KAZN: variants seen among roughly 807,000 people sequenced by gnomAD.
The protein encoded by KAZN is kazrin, periplakin interacting protein.
Under a neutral mutation model 87.4 loss-of-function variants are expected in KAZN, and 40 were observed. The observed-to-expected ratio is 0.46, with a 90% CI of 0.36 to 0.60. KAZN has a LOEUF of 0.60. Among genes scored for constraint, KAZN ranks in the 20% least tolerant of loss-of-function variants. KAZN has a pLI of 0.00. For synonymous variants in KAZN, 466 were observed against 458.3 expected, an observed-to-expected ratio of 1.02 and a Z score of -0.22; for missense variants, 898 against 1,073.9, an observed-to-expected ratio of 0.84 and a Z score of 2.29.
intron 1 of KAZN, among the ~76,000 whole-genome samples, chr1:14,839,826 C>A (rs560461717): frequency 1.3e-5 from 2 of 152,280 alleles, no homozygotes; most frequent in South Asian, 4.1e-4. Flanking sequence ...GTCTTAGAGG[C>A]ACCTCAAGGC....
chr1:14,709,157 C>T (rs759498124), intron 1 of KAZN, among the ~76,000 whole-genome samples: 1 of 152,186 alleles, frequency 6.6e-6, no homozygotes, highest in Non-Finnish European at 1.5e-5. Context: ...ATCGGAGGCA[C>T]GAAGCCTTTG....
chr1:14,935,305 A>AT (rs2101604200), intron 1 of KAZN, among the ~76,000 whole-genome samples: 1 of 152,136 alleles, frequency 6.6e-6, no homozygotes, highest in South Asian at 2.1e-4. Context: ...CGGTGGCGCA[A>AT]TCTTGGCTCT....
At chr1:14,801,515 CCT>C (rs1646021165) in intron 1 of KAZN, among the ~76,000 whole-genome samples, 2 of 151,934 alleles carry the variant, frequency 1.3e-5, no homozygotes, top group Admixed American at 1.3e-4. Context: ...CTCCATAAAA[CCT>C]ACACCTCCCC....
chr1:14,236,681 G>A (rs1648451146), intron 2 of KAZN, among the ~76,000 whole-genome samples: 1 of 152,186 alleles, frequency 6.6e-6, no homozygotes, highest in Non-Finnish European at 1.5e-5. Context: ...ACTCTGGGAG[G>A]CAAGGGTGGG....
At position 14,748,811 on chromosome 1, in the gene KAZN, C is replaced by T. The variant is rs552338953; in HGVS notation, c.226+149588C>T. Among the ~76,000 whole-genome samples the T allele has an allele frequency of 6.6e-5, 10 of 152,202 alleles. No individual in the cohort carries two copies. In the South Asian group the frequency reaches 2.1e-3, roughly 32 times the overall value. The stretch of plus-strand genomic sequence containing the variant: ...TCAATAAGCATCAGTCATGTTGTCA[C>T]TACCAAGAGTGCTGATGCCAACTTC... On this transcript the variant is annotated intron_variant, in intron 1 of 14. Coordinates refer to ENST00000376030, the MANE Select transcript of KAZN (RefSeq NM_201628.3).
At position 15,056,405 on chromosome 1, in the gene KAZN, C is replaced by T; in HGVS notation, c.916+125C>T. ...CAGCTTGGGGGCGTGGGACAGAGAC[C>T]TTGGGCTCATGTAACTGAAAAATCT... On this transcript the variant is annotated intron_variant, in intron 5 of 14. Transcript: ENST00000376030. The surrounding 1 kb of genome is among the most constrained non-coding windows in gnomAD (Gnocchi z 5.4). 4.1e-6 allele frequency: 4 copies of T among 970,750 alleles called. No homozygotes were observed. In the Admixed American group the frequency reaches 1.1e-4, roughly 28 times the overall value. 60.1% of individuals were successfully genotyped at this position (970,750 alleles called of 1,614,324 possible).
intron 2 of KAZN, among the ~76,000 whole-genome samples, chr1:14,581,256 C>T (rs1449662024): frequency 4.6e-5 from 7 of 152,180 alleles, no homozygotes; most frequent in African/African-American, 9.7e-5. Flanking sequence ...CTTCCGCATT[C>T]GGGAAATGAA....
chr1:14,341,275 AATG>A lies in KAZN; in HGVS notation c.249+160695_249+160697del, dbSNP rs550617931. ...TAGGCACTCATCTGTAAAATGGGGA[AATG>A]ATGATGATGATCTCAAGTGTGATTT... On this transcript the variant is annotated intron_variant, in intron 2 of 16. Coordinates refer to the KAZN transcript ENST00000636203. Among the ~76,000 whole-genome samples the A allele has an allele frequency of 2.1e-3, 325 of 152,234 alleles. 1 individual carries two copies. Among genetic ancestry groups the A allele is most frequent in the African/African-American group, 7.4e-3 (306 of 41,544 alleles).
intron 1 of KAZN, among the ~76,000 whole-genome samples, chr1:14,141,899 G>C (rs1158627588): frequency 1.3e-5 from 2 of 152,168 alleles, no homozygotes; most frequent in Non-Finnish European, 2.9e-5. Flanking sequence ...GAAATGGCTG[G>C]ATGCTATTCA....
chr1:14,474,609 A>G (rs534827866), intron 2 of KAZN, among the ~76,000 whole-genome samples: 38 of 152,350 alleles, frequency 2.5e-4, no homozygotes, highest in Admixed American at 1.4e-3. Context: ...GCAGTCTTAA[A>G]ACTTTTATTG....
chr1:14,208,245 A>G (rs1446401223), intron 2 of KAZN, among the ~76,000 whole-genome samples: 1 of 152,232 alleles, frequency 6.6e-6, no homozygotes, highest in East Asian at 1.9e-4. Context: ...CATAATGTAC[A>G]GCTATCTGTG....
chr1:14,785,828 T>C (rs1645495351), intron 1 of KAZN, among the ~76,000 whole-genome samples: 1 of 152,224 alleles, frequency 6.6e-6, no homozygotes, highest in Non-Finnish European at 1.5e-5. Flanking sequence ...AGAGCTGTGC[T>C]TCCTCCTGAA....
Position 14,599,325 on chromosome 1 carries a change from G to T in KAZN, c.226+102G>T. The stretch of plus-strand genomic sequence containing the variant: ...GGTCCCCCACACCCGGGGCGAAATC[G>T]CTTTGCATTCTGGCTTGTAACCCTT... On this transcript the variant is annotated intron_variant, in intron 1 of 14. Coordinates refer to ENST00000376030, the MANE Select transcript of KAZN (RefSeq NM_201628.3). This position sits in a 1 kb window ranked among gnomAD's most constrained non-coding sequence, Gnocchi z 4.4. 8.4e-7 allele frequency: 1 copy of T among 1,189,270 alleles called. No homozygotes were observed. The highest frequency in any genetic ancestry group is 1.1e-6 in the Non-Finnish European group (1 of 944,514). 73.7% of individuals were successfully genotyped at this position (1,189,270 alleles called of 1,614,324 possible).
intron 1 of KAZN, among the ~76,000 whole-genome samples, chr1:14,913,698 C>CCCTA (rs1346302462): frequency 6.6e-6 from 1 of 152,252 alleles, no homozygotes; most frequent in African/African-American, 2.4e-5. Flanking sequence ...CCACCAAAGC[C>CCCTA]CCTAACCTGC....
intron 1 of KAZN, among the ~76,000 whole-genome samples, chr1:14,764,755 C>A (rs942832956): frequency 6.6e-6 from 1 of 152,134 alleles, no homozygotes; most frequent in Non-Finnish European, 1.5e-5. Context: ...CTTGCTCTGG[C>A]ACCAGGCTGG....
intron 2 of KAZN, among the ~76,000 whole-genome samples, chr1:14,402,219 T>A (rs1480187097): frequency 1.3e-5 from 2 of 150,408 alleles, no homozygotes; most frequent in African/African-American, 4.9e-5. Flanking sequence ...TTTAAAAAAA[T>A]TTGTAAGTTT....
chr1:14,879,189 G>A (rs1209243450), intron 1 of KAZN, among the ~76,000 whole-genome samples: 1 of 152,128 alleles, frequency 6.6e-6, no homozygotes, highest in South Asian at 2.1e-4. Context: ...CCTTGTGCTG[G>A]TCACCTGGTT....
intron 13 of KAZN, among the ~76,000 whole-genome samples, chr1:15,110,783 C>T (rs2100748633): frequency 6.6e-6 from 1 of 152,356 alleles, no homozygotes; most frequent in Non-Finnish European, 1.5e-5. Flanking sequence ...CAATTTCCAT[C>T]CCTGCCACTG....
chr1:14,268,033 G>A (rs1166148691), intron 2 of KAZN, among the ~76,000 whole-genome samples: 1 of 152,124 alleles, frequency 6.6e-6, no homozygotes, highest in Non-Finnish European at 1.5e-5. Flanking sequence ...AAATTGAATT[G>A]GCCAACAATT....
Sources: gnomAD v4.1 joint callset for allele counts (sites outside exome capture counted in the v4.1 genomes callset) on GRCh38, gnomAD v4.1.1 for gene constraint, Gnocchi (gnomAD v3.1) non-coding constraint, MANE v1.5 for transcripts, NCBI Gene and HGNC (gene_info 2026-07-23, HGNC 2026-07-21) for gene names.